The following KCNC1 variants were observed in gnomAD, a reference collection of about 807,000 sequenced individuals.
KCNC1 encodes the protein voltage-gated potassium channel KCNC1.
Under a neutral mutation model 43.4 loss-of-function variants are expected in KCNC1, and 8 were observed. The ratio of observed to expected loss-of-function variants is 0.18; its 90% CI spans 0.11 to 0.33. The LOEUF (loss-of-function observed/expected upper bound fraction) is 0.33, where lower values mean the gene tolerates loss of function less well. Among genes scored for constraint, KCNC1 ranks in the 10% least tolerant of loss-of-function variants. KCNC1 has a pLI of 1.00. For synonymous variants in KCNC1, 361 were observed against 360.5 expected (o/e 1.00, Z -0.01); for missense variants, 420 against 836.0 (o/e 0.50, Z 6.14).
chr11:17,735,831 C>G lies in KCNC1; in HGVS notation c.-172C>G. On this transcript the variant is annotated 5_prime_UTR_variant, in exon 1 of 4. Transcript: ENST00000265969. The surrounding 1 kb of genome is among the most constrained non-coding windows in gnomAD (Gnocchi z 6.7). ...CTGGACCGGCACCCGACAAAGCGCC[C>G]GGAGAGGCTTGGCTCGCTCGTTGGG... is the stretch of plus-strand genomic sequence containing the variant. 2 of 681,928 alleles carry G rather than the reference C, an allele frequency of 2.9e-6. No individual in the cohort carries two copies. Among genetic ancestry groups the G allele is most frequent in the East Asian group, 3.4e-5 (1 of 29,772 alleles). 42.2% of individuals were successfully genotyped at this position (681,928 alleles called of 1,614,324 possible).
At position 17,782,164 on chromosome 11, in the gene KCNC1, A is replaced by G. The variant is rs1236205; in HGVS notation, c.*430A>G. 0.24 allele frequency: 37,722 copies of G among 158,294 alleles called. 5,180 individuals are homozygous for G. Among genetic ancestry groups the G allele is most frequent in the African/African-American group, 0.36 (15,040 of 41,614 alleles). 9.8% of individuals were successfully genotyped at this position (158,294 alleles called of 1,614,324 possible). A position where few individuals can be genotyped will look rare whatever the true frequency, so the allele number is the denominator to read the frequency against. On this transcript the variant is annotated 3_prime_UTR_variant, in exon 4 of 4. Coordinates refer to ENST00000265969, the MANE Select transcript of KCNC1 (RefSeq NM_001112741.2). ...TTGGAGCCAAACTGTAACGGCGTTCAGTAGAAACCTGTACATTTCTGGGGG... is the reference window on the plus strand; with the variant it reads ...TTGGAGCCAAACTGTAACGGCGTTCGGTAGAAACCTGTACATTTCTGGGGG...
rs143298907 is a variant in KCNC1 at position 17,759,277 on chromosome 11, G to A, written c.571-12388G>A. On this transcript the variant is annotated intron_variant, in intron 1 of 3. Transcript: ENST00000265969. Reference sequence around the variant, plus strand: ...GCCTTCCTAGAATTCAAGAGAGTTAGAGCCTTGCTCTAGATTAGGCTTTGG... The same window carrying A: ...GCCTTCCTAGAATTCAAGAGAGTTAAAGCCTTGCTCTAGATTAGGCTTTGG... Among the ~76,000 whole-genome samples the A allele has an allele frequency of 3.1e-3, 476 of 152,350 alleles. 9 individuals carry two copies. Among genetic ancestry groups the A allele is most frequent in the Admixed American group, 0.024 (372 of 15,298 alleles).
chr11:17,751,343 G>T (rs751953579), intron 1 of KCNC1, among the ~76,000 whole-genome samples: 4 of 152,222 alleles, frequency 2.6e-5, no homozygotes, highest in Admixed American at 6.5e-5. Context: ...ATGGATGGAA[G>T]GAGGGACATA....
At chr11:17,763,644 ACAC>A (rs1426236170) in intron 1 of KCNC1, among the ~76,000 whole-genome samples, 5 of 18,086 alleles carry the variant, frequency 2.8e-4, no homozygotes, top group Admixed American at 6.8e-4. Flanking sequence ...ACACACCCCC[ACAC>A]CACACCACAC....
At position 17,773,677 on chromosome 11, in the gene KCNC1, A is replaced by G; in HGVS notation, c.1504+1079A>G. ...TTTTATGAGAACCTGCACATAGCACATAAAGTTGATCATGGGGCTCTGGTC... is the reference window on the plus strand; with the variant it reads ...TTTTATGAGAACCTGCACATAGCACGTAAAGTTGATCATGGGGCTCTGGTC... On this transcript the variant is annotated intron_variant, in intron 2 of 3. Coordinates refer to ENST00000265969, the MANE Select transcript of KCNC1 (RefSeq NM_001112741.2). The surrounding 1 kb of genome is among the most constrained non-coding windows in gnomAD (Gnocchi z 4.1). 1.0e-6 allele frequency: 1 copy of G among 985,414 alleles called. No individual in the cohort carries two copies. The highest frequency in any genetic ancestry group is 1.2e-6 in the Non-Finnish European group (1 of 829,918). The allele number at this position is 985,414 out of a possible 1,614,324, so 61.0% of individuals were successfully genotyped here. A position where few individuals can be genotyped will look rare whatever the true frequency, so the allele number is the denominator to read the frequency against.
chr11:17,768,612 T>TC (rs796805943), intron 1 of KCNC1, among the ~76,000 whole-genome samples: 40 of 105,554 alleles, frequency 3.8e-4, no homozygotes, highest in Middle Eastern at 6.4e-3. Context: ...TGGATGTTGG[T>TC]GGGGGGGGGG....
chr11:17,779,341 G>A lies in KCNC1; in HGVS notation c.1505-115G>A, dbSNP rs950282861. 121 of 827,658 alleles carry A rather than the reference G, an allele frequency of 1.5e-4. No homozygotes were observed. Among genetic ancestry groups the A allele is most frequent in the Admixed American group, 1.2e-3 (33 of 27,920 alleles). The allele number at this position is 827,658 out of a possible 1,614,324, so 51.3% of individuals were successfully genotyped here. A position where few individuals can be genotyped will look rare whatever the true frequency, so the allele number is the denominator to read the frequency against. ...CGCTCCACAGCCTGCCCGCTTTTCC[G>A]TCCTCAGGGACGCTCAAGCTGCCCT... On this transcript the variant is annotated intron_variant, in intron 2 of 3. Coordinates refer to ENST00000265969, the MANE Select transcript of KCNC1 (RefSeq NM_001112741.2). The surrounding 1 kb of genome is among the most constrained non-coding windows in gnomAD (Gnocchi z 7.2).
In KCNC1 at chr11:17,742,235, T is replaced by C. The variant is rs1300660213; in HGVS notation, c.570+5663T>C. 2.0e-5 allele frequency among the ~76,000 whole-genome samples: 3 copies of C among 152,090 alleles called. No homozygotes were observed. Among genetic ancestry groups the C allele is most frequent in the Non-Finnish European group, 4.4e-5 (3 of 68,022 alleles). On this transcript the variant is annotated intron_variant, in intron 1 of 3. Transcript: ENST00000265969. This position sits in a 1 kb window ranked among gnomAD's most constrained non-coding sequence, Gnocchi z 4.2. ...GCCTCAGAGCATTTGGAGTCTGTGC[T>C]CCTTGACTCTGAGCAGGAGGCCTGG...
intron 1 of KCNC1, among the ~76,000 whole-genome samples, chr11:17,763,844 T>C (rs141507495): frequency 0.012 from 810 of 65,396 alleles, 10 homozygotes; most frequent in Non-Finnish European, 0.015. Flanking sequence ...TATATACACA[T>C]CCACCTCCAC....
Position 17,781,622 on chromosome 11 carries a change from A to G in KCNC1, c.1694-48A>G, listed in dbSNP as rs1210316571. 7.7e-7 allele frequency: 1 copy of G among 1,305,664 alleles called. No homozygotes were observed. The highest frequency in any genetic ancestry group is 1.8e-4 in the Middle Eastern group (1 of 5,508). The allele number at this position is 1,305,664 out of a possible 1,614,324, so 80.9% of individuals were successfully genotyped here. On this transcript the variant is annotated intron_variant, in intron 3 of 3. Coordinates refer to ENST00000265969, the MANE Select transcript of KCNC1 (RefSeq NM_001112741.2). The surrounding 1 kb of genome is among the most constrained non-coding windows in gnomAD (Gnocchi z 5.1). ...AAAACTAAGTACCAAGCGGGATGGG[A>G]GAGCCAAGAAGAGAAGCTCAAGTGT...
chr11:17,772,984 C>T (rs549589067), intron 2 of KCNC1: 12 of 1,087,946 alleles, frequency 1.1e-5, no homozygotes, highest in South Asian at 1.1e-4. Context: ...AGAGTGGGGG[C>T]GGGTGTGATT....
chr11:17,753,252 A>T (rs1003112674), intron 1 of KCNC1, among the ~76,000 whole-genome samples: 3 of 152,234 alleles, frequency 2.0e-5, no homozygotes, highest in Non-Finnish European at 4.4e-5. Flanking sequence ...GTCAGTAGTC[A>T]GTGGCCGGAG....
chr11:17,773,923 C>T lies in KCNC1; in HGVS notation c.1504+1325C>T. ...CAGGAGGCTGCTGGCTAGCTCAGCC[C>T]CAGGTGGGGAAGTTTCCCCCTGGTT... On this transcript the variant is annotated intron_variant, in intron 2 of 3. Transcript: ENST00000265969. The surrounding 1 kb of genome is among the most constrained non-coding windows in gnomAD (Gnocchi z 4.1). 1.0e-6 allele frequency: 1 copy of T among 985,430 alleles called. No homozygotes were observed. The allele number at this position is 985,430 out of a possible 1,614,324, so 61.0% of individuals were successfully genotyped here.
At chr11:17,753,366 C>A (rs1201505510) in intron 1 of KCNC1, among the ~76,000 whole-genome samples, 3 of 152,214 alleles carry the variant, frequency 2.0e-5, no homozygotes, top group Non-Finnish European at 4.4e-5. Context: ...GAGTCTGGAG[C>A]CTGGAGAATG....
At position 17,781,938 on chromosome 11, in the gene KCNC1, A is replaced by G. The variant is rs560032043; in HGVS notation, c.*204A>G. ...TAGAGGATTTCTTTTCCTTCTTTTC[A>G]TTTTTTAAAATTTTATTTTATTTGG... On this transcript the variant is annotated 3_prime_UTR_variant, in exon 4 of 4. Coordinates refer to ENST00000265969, the MANE Select transcript of KCNC1 (RefSeq NM_001112741.2). The surrounding 1 kb of genome is among the most constrained non-coding windows in gnomAD (Gnocchi z 5.1). The G allele has an allele frequency of 1.7e-4, 76 of 445,776 alleles. 3 individuals are homozygous for G. In the South Asian group the frequency reaches 4.0e-3, roughly 23 times the overall value. The allele number at this position is 445,776 out of a possible 1,614,324, so 27.6% of individuals were successfully genotyped here.
intron 1 of KCNC1, among the ~76,000 whole-genome samples, chr11:17,737,030 C>T (rs1055338343): frequency 6.6e-6 from 1 of 152,198 alleles, no homozygotes; most frequent in Non-Finnish European, 1.5e-5. Context: ...AGCCCTTCCT[C>T]CTGTCCAGGT....
intron 1 of KCNC1, among the ~76,000 whole-genome samples, chr11:17,747,296 T>A (rs1848911709): frequency 6.6e-6 from 1 of 152,192 alleles, no homozygotes; most frequent in Non-Finnish European, 1.5e-5. Context: ...ATGGGCCGCT[T>A]GTCCCTGCTC....
chr11:17,738,491 T>C (rs140657935), intron 1 of KCNC1, among the ~76,000 whole-genome samples: 1 of 152,294 alleles, frequency 6.6e-6, no homozygotes, highest in African/African-American at 2.4e-5. Flanking sequence ...CTCAGTCTCC[T>C]GACTCCCAAG....
In KCNC1 at chr11:17,776,915, C is replaced by A. The variant is rs1783737136; in HGVS notation, c.1505-2541C>A. ...TAGACGAACAGCCCAGGGGCCTGGG[C>A]CCCTTCACAGAGCAAGACTTAAGCT... On this transcript the variant is annotated intron_variant, in intron 2 of 3. Coordinates refer to ENST00000265969, the MANE Select transcript of KCNC1 (RefSeq NM_001112741.2). The surrounding 1 kb of genome is among the most constrained non-coding windows in gnomAD (Gnocchi z 4.4). The A allele has an allele frequency of 5.1e-6, 5 of 985,320 alleles. No individual in the cohort carries two copies. The highest frequency in any genetic ancestry group is 4.8e-6 in the Non-Finnish European group (4 of 829,946). The allele number at this position is 985,320 out of a possible 1,614,324, so 61.0% of individuals were successfully genotyped here.
Sources: allele counts gnomAD v4.1 joint callset (sites outside exome capture counted in the v4.1 genomes callset), GRCh38; gene constraint gnomAD v4.1.1; non-coding constraint Gnocchi (gnomAD v3.1); transcripts MANE v1.5; gene names NCBI Gene and HGNC (gene_info 2026-07-23, HGNC 2026-07-21).